Variants in CENPW observed in about 807,000 individuals in gnomAD.
The protein encoded by CENPW is cancer-up-regulated gene 2 protein.
A neutral mutation model predicts 11.1 loss-of-function variants in CENPW; 3 were observed. The ratio of observed to expected loss-of-function variants is 0.27; its 90% CI spans 0.12 to 0.70. The LOEUF (loss-of-function observed/expected upper bound fraction) is 0.70, where lower values mean the gene tolerates loss of function less well. CENPW is among the 30% of genes least tolerant of loss of function. CENPW has a pLI of 0.77. For synonymous variants in CENPW, 38 were observed against 42.0 expected (o/e 0.91, Z 0.37); for missense variants, 100 against 105.6 (o/e 0.95, Z 0.23).
chr6:126,383,072 C>A, the CENPW span, among the ~76,000 whole-genome samples: 1 of 152,138 alleles, frequency 6.6e-6, no homozygotes, highest in Non-Finnish European at 1.5e-5. Context: ...AACAGCAGAC[C>A]TCTCAACAGA....
the CENPW span, among the ~76,000 whole-genome samples, chr6:126,451,616 G>T: frequency 1.3e-5 from 2 of 151,082 alleles, no homozygotes; most frequent in Non-Finnish European, 3.0e-5. Flanking sequence ...CCTGCAAGGA[G>T]ACTAAATTTG....
downstream of CENPW, among the ~76,000 whole-genome samples, chr6:126,352,567 T>G (rs1450023804): frequency 6.6e-6 from 1 of 152,156 alleles, no homozygotes; most frequent in African/African-American, 2.4e-5. Context: ...TCTACCTTAC[T>G]GAGACTTGGC....
chr6:126,343,804 T>C (rs866084165), intron 1 of CENPW, among the ~76,000 whole-genome samples: 5 of 152,160 alleles, frequency 3.3e-5, no homozygotes, highest in Non-Finnish European at 5.9e-5. Context: ...CCCACCCAGA[T>C]TGAGGGTGGG....
chr6:126,421,870 C>T, the CENPW span, among the ~76,000 whole-genome samples: 40 of 152,066 alleles, frequency 2.6e-4, no homozygotes, highest in Admixed American at 1.6e-3. Flanking sequence ...CTTTCTGCTC[C>T]ACTATTATTT....
the CENPW span, among the ~76,000 whole-genome samples, chr6:126,475,265 T>C: frequency 3.3e-5 from 5 of 152,062 alleles, no homozygotes; most frequent in African/African-American, 1.2e-4. Flanking sequence ...CTTCCAAATC[T>C]TAGCTATTGT....
At chr6:126,400,687 G>T in the CENPW span, among the ~76,000 whole-genome samples, 11 of 151,790 alleles carry the variant, frequency 7.2e-5, no homozygotes, top group East Asian at 1.9e-4. Context: ...ATTTGTTATT[G>T]TTACACAAAT....
the CENPW span, among the ~76,000 whole-genome samples, chr6:126,409,312 G>T: frequency 2.6e-5 from 4 of 152,108 alleles, no homozygotes; most frequent in Non-Finnish European, 4.4e-5. Context: ...ATTTTAAAAA[G>T]GATTTGTTGA....
chr6:126,347,479 C>T (rs1485527738), intron 2 of CENPW, among the ~76,000 whole-genome samples: 1 of 152,056 alleles, frequency 6.6e-6, no homozygotes, highest in Non-Finnish European at 1.5e-5. Flanking sequence ...ACATAATATA[C>T]TCAGCGTTTT....
chr6:126,475,958 T>G, the CENPW span, among the ~76,000 whole-genome samples: 3 of 151,890 alleles, frequency 2.0e-5, no homozygotes, highest in African/African-American at 7.2e-5. Context: ...TGTGTCACGT[T>G]AGAGCTATTG....
intron 2 of CENPW, 75 bp downstream of exon 2, chr6:126,346,393 T>C: frequency 1.3e-6 from 1 of 744,400 alleles, no homozygotes; most frequent in Non-Finnish European, 2.2e-6. Flanking sequence ...CTCTCCCTGA[T>C]TTGTATACCT....
the CENPW span, among the ~76,000 whole-genome samples, chr6:126,361,650 C>G: frequency 6.6e-6 from 1 of 151,948 alleles, no homozygotes; most frequent in Admixed American, 6.6e-5. Context: ...GAGATGACAC[C>G]CTCACCAGGC....
the CENPW span, among the ~76,000 whole-genome samples, chr6:126,376,127 C>T: frequency 2.2e-4 from 33 of 152,182 alleles, no homozygotes; most frequent in African/African-American, 7.5e-4. Context: ...CATTCATTCA[C>T]CTCAGCATCA....
chr6:126,414,028 T>C, the CENPW span, among the ~76,000 whole-genome samples: 24 of 152,120 alleles, frequency 1.6e-4, no homozygotes, highest in Admixed American at 5.2e-4. Context: ...ACTATACTTA[T>C]ATTGGATAAA....
chr6:126,432,243 T>C, the CENPW span, among the ~76,000 whole-genome samples: 1 of 152,254 alleles, frequency 6.6e-6, no homozygotes, highest in South Asian at 2.1e-4. Context: ...CTGTCACCCA[T>C]ACTGTCTACT....
chr6:126,479,073 C>T, the CENPW span, among the ~76,000 whole-genome samples: 70 of 152,138 alleles, frequency 4.6e-4, no homozygotes, highest in African/African-American at 1.5e-3. Context: ...TTGAGCAATC[C>T]TCCTTCGGTT....
chr6:126,447,988 C>T, the CENPW span, among the ~76,000 whole-genome samples: 38 of 151,350 alleles, frequency 2.5e-4, no homozygotes, highest in Middle Eastern at 3.4e-3. Context: ...CAGGGTCAGC[C>T]CCCTATAGCC....
the CENPW span, among the ~76,000 whole-genome samples, chr6:126,395,314 A>G: frequency 2.0e-5 from 3 of 152,176 alleles, no homozygotes; most frequent in South Asian, 2.1e-4. Context: ...GAATTCTGCT[A>G]TTAAGAGACT....
At chr6:126,416,067 G>A in the CENPW span, among the ~76,000 whole-genome samples, 1 of 152,148 alleles carries the variant, frequency 6.6e-6, no homozygotes, top group Admixed American at 6.5e-5. Context: ...TGAATGGTTT[G>A]ACCAATATGC....
At chr6:126,431,611 A>T in the CENPW span, among the ~76,000 whole-genome samples, 84 of 152,306 alleles carry the variant, frequency 5.5e-4, no homozygotes, top group African/African-American at 1.9e-3. Context: ...ATTCTAACAC[A>T]CTACTTGCTG....
Sources: gnomAD v4.1 joint callset for allele counts (sites outside exome capture counted in the v4.1 genomes callset) on GRCh38, gnomAD v4.1.1 for gene constraint, MANE v1.5 for transcripts, NCBI Gene and HGNC (gene_info 2026-07-23, HGNC 2026-07-21) for gene names.